OSBPL3: variants seen among roughly 807,000 people sequenced by gnomAD.
OSBPL3 encodes oxysterol binding protein like 3, also known as oxysterol-binding protein-related protein 3.
In OSBPL3, 65 loss-of-function variants were observed where a neutral mutation model predicts 120.1. The ratio of observed to expected loss-of-function variants is 0.54; its 90% CI spans 0.44 to 0.67. The LOEUF (loss-of-function observed/expected upper bound fraction) is 0.67. Ranked by LOEUF, OSBPL3 falls within the 30% of genes least tolerant of loss-of-function variation. OSBPL3 has a pLI of 0.00. For synonymous variants in OSBPL3, 416 were observed against 402.6 expected, an observed-to-expected ratio of 1.03 and a Z score of -0.40; for missense variants, 1,004 against 1,082.1, an observed-to-expected ratio of 0.93 and a Z score of 1.01.
intron 1 of OSBPL3, among the ~76,000 whole-genome samples, chr7:24,944,730 G>C (rs1813518334): frequency 6.6e-6 from 1 of 152,048 alleles, no homozygotes; most frequent in African/African-American, 2.4e-5. Context: ...TCTTCTGTAT[G>C]TGCTATTTTA....
rs1792769366 is a variant in OSBPL3, at chr7:24,804,394, G to C, written c.2488C>G (p.Gln830Glu). Residue 830 changes from glutamine to glutamate, a missense_variant, in exon 22 of 23, where the codon CAG becomes GAG. By Grantham distance (29) the Gln-to-Glu change is conservative. This residue lies in a region of OSBPL3 where 473 missense variants were observed against 568.0 expected (regional missense o/e 0.83). Coordinates refer to ENST00000313367, the MANE Select transcript of OSBPL3 (RefSeq NM_015550.4). This position sits in a 1 kb window ranked among gnomAD's most constrained non-coding sequence, Gnocchi z 5.4. ...GNLEEAEIQK[Q>E]RIEQLQRERR... ...TCTCTCTGCAGTTGTTCAATCCTCT[G>C]CTTTTGTATTTCAGCTTCTTCTAAG... 1 of 1,613,778 alleles carries C rather than the reference G, an allele frequency of 6.2e-7. No homozygotes were observed. Among genetic ancestry groups the C allele is most frequent in the Non-Finnish European group, 8.5e-7 (1 of 1,179,844 alleles).
At position 24,964,472 on chromosome 7, in the gene OSBPL3, AT is replaced by A. The variant is rs1337352106; in HGVS notation, c.-150+15413del. Among the ~76,000 whole-genome samples, 2 of 152,226 alleles carry A rather than the reference AT, an allele frequency of 1.3e-5. No homozygotes were observed. Among genetic ancestry groups the A allele is most frequent in the East Asian group, 3.8e-4 (2 of 5,200 alleles). ...AACCCCAGTCCAATACAAGAAAATC[AT>A]CAGACAAATCCCAGTGGAGACATAC... is the stretch of plus-strand genomic sequence containing the variant. On this transcript the variant is annotated intron_variant, in intron 1 of 22. Transcript: ENST00000313367. The surrounding 1 kb of genome is among the most constrained non-coding windows in gnomAD (Gnocchi z 4.2).
rs1800901510 is a variant in OSBPL3, at chr7:24,863,621, T to G, written c.674-22A>C. On this transcript the variant is annotated intron_variant, in intron 7 of 22. Coordinates refer to ENST00000313367, the MANE Select transcript of OSBPL3 (RefSeq NM_015550.4). This position sits in a 1 kb window ranked among gnomAD's most constrained non-coding sequence, Gnocchi z 5.8. Reference sequence around the variant, plus strand: ...AGGTCTGTGGGGGAAAAGAGGACAGTGCTCACAATGCTCCACTAGCAAGAG... The same window carrying G: ...AGGTCTGTGGGGGAAAAGAGGACAGGGCTCACAATGCTCCACTAGCAAGAG... The G allele has an allele frequency of 7.0e-7, 1 of 1,428,876 alleles. No homozygotes were observed. The highest frequency in any genetic ancestry group is 2.3e-5 in the East Asian group (1 of 43,980). The allele number at this position is 1,428,876 out of a possible 1,614,324, so 88.5% of individuals were successfully genotyped here.
chr7:24,929,027 G>C (rs190812621), intron 1 of OSBPL3, among the ~76,000 whole-genome samples: 12 of 152,334 alleles, frequency 7.9e-5, no homozygotes, highest in African/African-American at 2.9e-4. Context: ...CGACGGGCCA[G>C]AGGGTAAGCG....
rs975336485 is a variant in OSBPL3 at position 24,933,468 on chromosome 7, A to G, written c.-149-40847T>C. ...TTATGAATATTTAAAAAGATGCCCA[A>G]CATCAGGAGAACAAAAAAAATCCAG... On this transcript the variant is annotated intron_variant, in intron 1 of 22. Transcript: ENST00000313367. This position sits in a 1 kb window ranked among gnomAD's most constrained non-coding sequence, Gnocchi z 5.1. Among the ~76,000 whole-genome samples the G allele has an allele frequency of 6.6e-6, 1 of 152,198 alleles. No homozygotes were observed. The highest frequency in any genetic ancestry group is 6.5e-5 in the Admixed American group (1 of 15,288).
intron 1 of OSBPL3, among the ~76,000 whole-genome samples, chr7:24,923,123 A>C (rs1392295802): frequency 6.6e-6 from 1 of 152,212 alleles, no homozygotes; most frequent in African/African-American, 2.4e-5. Flanking sequence ...CCTAGAAGAT[A>C]GTTTCCATCA....
At position 24,799,162 on chromosome 7, in the gene OSBPL3, T is replaced by C. The variant is rs1001328616; in HGVS notation, c.*1021A>G. ...AACTTTTTATACAAGATCTAAAATA[T>C]GGTGCTTATTAAGAGGTAGAAAATA... On this transcript the variant is annotated 3_prime_UTR_variant, in exon 23 of 23. Transcript: ENST00000313367. The surrounding 1 kb of genome is among the most constrained non-coding windows in gnomAD (Gnocchi z 5.3). The C allele has an allele frequency of 6.6e-6, 1 of 152,654 alleles. No individual in the cohort carries two copies. Among genetic ancestry groups the C allele is most frequent in the Non-Finnish European group, 1.5e-5 (1 of 68,036 alleles). The allele number at this position is 152,654 out of a possible 1,614,324, so 9.5% of individuals were successfully genotyped here.
Position 24,804,007 on chromosome 7 carries a change from G to C in OSBPL3, c.2567+308C>G, listed in dbSNP as rs1792705655. On this transcript the variant is annotated intron_variant, in intron 22 of 22. Coordinates refer to ENST00000313367, the MANE Select transcript of OSBPL3 (RefSeq NM_015550.4). The surrounding 1 kb of genome is among the most constrained non-coding windows in gnomAD (Gnocchi z 5.4). ...GATTTAATAAGCTGGCCTGGTGCTG[G>C]GACCCAGTTCTGGCAGGCTCCCTGA... Among the ~76,000 whole-genome samples, 1 of 152,112 alleles carries C rather than the reference G, an allele frequency of 6.6e-6. No homozygotes were observed. Among genetic ancestry groups the C allele is most frequent in the Admixed American group, 6.5e-5 (1 of 15,278 alleles).
chr7:24,857,549 C>T (rs1799985993), intron 10 of OSBPL3, among the ~76,000 whole-genome samples: 1 of 152,176 alleles, frequency 6.6e-6, no homozygotes, highest in African/African-American at 2.4e-5. Context: ...TACTATACGA[C>T]ATTTAACAGG....
chr7:24,958,724 C>T (rs1415501497), intron 1 of OSBPL3, among the ~76,000 whole-genome samples: 1 of 152,160 alleles, frequency 6.6e-6, no homozygotes, highest in African/African-American at 2.4e-5. Context: ...AGCACATTCA[C>T]TCAATTAATG....
intron 19 of OSBPL3, 93 bp from the exon 20 acceptor site, chr7:24,810,044 G>GT: frequency 7.2e-7 from 1 of 1,392,996 alleles, no homozygotes; most frequent in African/African-American, 1.4e-5. Context: ...AGAAAGGACT[G>GT]TAAGAGTGGC....
In OSBPL3 at chr7:24,968,910, T is replaced by G. The variant is rs529479384; in HGVS notation, c.-150+10976A>C. On this transcript the variant is annotated intron_variant, in intron 1 of 22. Coordinates refer to ENST00000313367, the MANE Select transcript of OSBPL3 (RefSeq NM_015550.4). This position sits in a 1 kb window ranked among gnomAD's most constrained non-coding sequence, Gnocchi z 4.6. ...ATTATTTTTAATTAGTACTTACTGA[T>G]GAAAATTAAGTTACTTGCAATCTGG... is the stretch of plus-strand genomic sequence containing the variant. 7.2e-5 allele frequency among the ~76,000 whole-genome samples: 11 copies of G among 152,224 alleles called. No individual in the cohort carries two copies. Among genetic ancestry groups the G allele is most frequent in the African/African-American group, 2.7e-4 (11 of 41,450 alleles).
chr7:24,963,527 T>C (rs1451505995), intron 1 of OSBPL3, among the ~76,000 whole-genome samples: 1 of 152,100 alleles, frequency 6.6e-6, no homozygotes, highest in African/African-American at 2.4e-5. Flanking sequence ...GGGCAGACAG[T>C]AGCACATCTG....
chr7:24,807,904 CTT>C (rs946945427), intron 20 of OSBPL3, among the ~76,000 whole-genome samples: 1 of 150,940 alleles, frequency 6.6e-6, no homozygotes, highest in African/African-American at 2.4e-5. Flanking sequence ...CAGACCCCCC[CTT>C]TTTTTTTATT....
rs140494896 is a variant in OSBPL3, at chr7:24,824,399, T to C, written c.1885-4161A>G. Among the ~76,000 whole-genome samples the C allele has an allele frequency of 1.7e-3, 258 of 152,318 alleles. No individual in the cohort carries two copies. The highest frequency in any genetic ancestry group is 5.9e-3 in the African/African-American group (244 of 41,568). On this transcript the variant is annotated intron_variant, in intron 16 of 22. Transcript: ENST00000313367. This position sits in a 1 kb window ranked among gnomAD's most constrained non-coding sequence, Gnocchi z 4.9. ...AGGTATTTTCAGTATTTTTGTACTT[T>C]GTAAGTTTTTATTTTTCAGATTTAG...
chr7:24,809,308 T>C (rs4374886), intron 20 of OSBPL3, among the ~76,000 whole-genome samples: 23,040 of 152,144 alleles, frequency 0.15, 4,227 homozygotes, highest in African/African-American at 0.44. Context: ...GTTCCCTAGC[T>C]CTTCTGCCCA....
Position 24,872,148 on chromosome 7 carries a change from G to A in OSBPL3, c.97-79C>T. The A allele has an allele frequency of 9.9e-7, 1 of 1,013,742 alleles. No homozygotes were observed. The highest frequency in any genetic ancestry group is 1.6e-6 in the Non-Finnish European group (1 of 644,184). 62.8% of individuals were successfully genotyped at this position (1,013,742 alleles called of 1,614,324 possible). The stretch of plus-strand genomic sequence containing the variant: ...TGGTAAAAAGCACTGCATCCTGTCA[G>A]TAAATTTATTCAAGATGGGGAGGCT... On this transcript the variant is annotated intron_variant, in intron 2 of 22. Coordinates refer to ENST00000313367, the MANE Select transcript of OSBPL3 (RefSeq NM_015550.4). This position sits in a 1 kb window ranked among gnomAD's most constrained non-coding sequence, Gnocchi z 4.1.
chr7:24,921,535 G>T (rs898729450), intron 1 of OSBPL3, among the ~76,000 whole-genome samples: 1 of 152,102 alleles, frequency 6.6e-6, no homozygotes, highest in African/African-American at 2.4e-5. Flanking sequence ...AGCTAAACAC[G>T]CCTTCCAAGG....
chr7:24,979,434 C>G (rs759402410), intron 1 of OSBPL3, among the ~76,000 whole-genome samples: 12 of 152,054 alleles, frequency 7.9e-5, no homozygotes, highest in Admixed American at 5.9e-4. Context: ...GCGCCTGCCC[C>G]GCGAGCGTTG....
Sources: gnomAD v4.1 joint callset for allele counts (sites outside exome capture counted in the v4.1 genomes callset) on GRCh38, gnomAD v4.1.1 for gene constraint, gnomAD v4.1.1 regional missense constraint, Gnocchi (gnomAD v3.1) non-coding constraint, MANE v1.5 for transcripts, NCBI Gene and HGNC (gene_info 2026-07-23, HGNC 2026-07-21) for gene names.